The following CAPN5 variants were observed in gnomAD, a reference collection of about 807,000 sequenced individuals.
The protein encoded by CAPN5 is calpain 5, also known as calpain-5.
Under a neutral mutation model 73.0 loss-of-function variants are expected in CAPN5, and 54 were observed. The ratio of observed to expected loss-of-function variants is 0.74; its 90% CI spans 0.59 to 0.93. CAPN5 has a LOEUF of 0.93. Ranked by LOEUF, CAPN5 falls within the 40% of genes least tolerant of loss-of-function variation. The pLI is 0.00. For missense variants in CAPN5, 785 were observed against 882.9 expected, an observed-to-expected ratio of 0.89 and a Z score of 1.41; for synonymous variants, 335 against 356.9, an observed-to-expected ratio of 0.94 and a Z score of 0.69.
At position 77,120,798 on chromosome 11, in the gene CAPN5, T is replaced by C; in HGVS notation, c.1376T>C (p.Leu459Pro). The C allele has an allele frequency of 6.2e-7, 1 of 1,614,126 alleles. No individual in the cohort carries two copies. The highest frequency in any genetic ancestry group is 8.5e-7 in the Non-Finnish European group (1 of 1,180,008). ...SIYINSRSVF[L>P]RTDQPEGRYV... ...TACATCAACTCACGCAGCGTCTTCC[T>C]GCGCACCGACCAGCCCGAGGGCCGC... The change falls in exon 10 of 13, where the codon CTG becomes CCG. Residue 459 changes from leucine (L) to proline (P), a missense_variant. Transcript: ENST00000648180.
intron 5 of CAPN5, 48 bp downstream of exon 5, chr11:77,114,482 C>A: frequency 6.5e-7 from 1 of 1,536,594 alleles, no homozygotes; most frequent in Non-Finnish European, 9.0e-7. Context: ...TTCACCCTCG[C>A]TGACTGAGAT....
intron 3 of CAPN5, among the ~76,000 whole-genome samples, chr11:77,098,398 G>A (rs1403944694): frequency 1.8e-4 from 20 of 108,918 alleles, no homozygotes; most frequent in African/African-American, 6.7e-4. Flanking sequence ...CCTCCCTCCC[G>A]GACCGGGCGG....
At chr11:77,101,025 C>A (rs7121392) in intron 3 of CAPN5, among the ~76,000 whole-genome samples, 29,023 of 152,220 alleles carry the variant, frequency 0.19, 2,933 homozygotes, top group South Asian at 0.32. Flanking sequence ...TGGCCAGTAC[C>A]TGTGTACTGT....
At chr11:77,117,685 G>A (rs555379650) in intron 7 of CAPN5, among the ~76,000 whole-genome samples, 2 of 152,290 alleles carry the variant, frequency 1.3e-5, no homozygotes, top group South Asian at 2.1e-4. Flanking sequence ...GCAACACCCT[G>A]GCCACCGCAG....
intron 2 of CAPN5, among the ~76,000 whole-genome samples, chr11:77,086,602 C>T (rs1950088322): frequency 6.6e-6 from 1 of 152,232 alleles, no homozygotes; most frequent in African/African-American, 2.4e-5. Flanking sequence ...CCACGCCTTC[C>T]TCTCTTCCTT....
intron 2 of CAPN5, among the ~76,000 whole-genome samples, chr11:77,091,647 G>A (rs1235360361): frequency 1.3e-5 from 2 of 152,200 alleles, no homozygotes; most frequent in Non-Finnish European, 2.9e-5. Context: ...CCTCAGCTCA[G>A]TGAGGCGATG....
At chr11:77,105,842 A>G (rs1950340804) in intron 3 of CAPN5, among the ~76,000 whole-genome samples, 1 of 151,842 alleles carries the variant, frequency 6.6e-6, no homozygotes, top group African/African-American at 2.4e-5. Flanking sequence ...CCTCATCACC[A>G]CTCTGAAGCG....
intron 3 of CAPN5, chr11:77,103,058 C>T (rs782094319): frequency 6.2e-7 from 1 of 1,613,752 alleles, no homozygotes; most frequent in Non-Finnish European, 8.5e-7. Flanking sequence ...TCGTGCTGGA[C>T]AAGCCGGGCA....
chr11:77,108,567 G>C (rs1214832866), intron 3 of CAPN5, among the ~76,000 whole-genome samples: 1 of 152,108 alleles, frequency 6.6e-6, no homozygotes, highest in Non-Finnish European at 1.5e-5. Flanking sequence ...TGTAGACAGC[G>C]AGAGGGTAGC....
chr11:77,114,571 T>C (rs1950447790), intron 5 of CAPN5, 137 bp downstream of exon 5: 2 of 809,160 alleles, frequency 2.5e-6, no homozygotes, highest in South Asian at 3.1e-5. Flanking sequence ...AGGGGAGAAG[T>C]TGGAAGGTGC....
chr11:77,083,127 G>A (rs1165423557), intron 1 of CAPN5, among the ~76,000 whole-genome samples: 1 of 152,236 alleles, frequency 6.6e-6, no homozygotes, highest in Non-Finnish European at 1.5e-5. Flanking sequence ...GGCAGCCAGA[G>A]AAGTTAAGTG....
At chr11:77,093,590 GTCTGTCACGTC>G (rs1363404074) in intron 2 of CAPN5, 81 bp from the exon 3 acceptor site, 64 of 762,988 alleles carry the variant, frequency 8.4e-5, no homozygotes, top group South Asian at 4.9e-4. Context: ...GCAAGTCTGT[GTCTGTCACGTC>G]TGTGTCTGTC....
In CAPN5 at chr11:77,122,621, G is replaced by T. The variant is rs782717683; in HGVS notation, c.1649G>T (p.Arg550Leu). Reference protein sequence around the residue: ...VIIKCEGDKVRSAVQKGTSTP... With the variant: ...VIIKCEGDKVLSAVQKGTSTP... ...ATCAAGTGTGAGGGAGACAAAGTCC[G>T]CTCGGCTGTGCAGAAGGGCACCTCC... The change falls in exon 12 of 13, where the codon CGC becomes CTC. Residue 550 changes from arginine to leucine, a missense_variant. Arg to Leu is a moderately radical substitution (Grantham distance 102, BLOSUM62 -2). Coordinates refer to ENST00000648180, the MANE Select transcript of CAPN5 (RefSeq NM_004055.5). 1.7e-5 allele frequency: 27 copies of T among 1,601,698 alleles called. No homozygotes were observed. The highest frequency in any genetic ancestry group is 2.7e-5 in the African/African-American group (2 of 74,146).
intron 3 of CAPN5, among the ~76,000 whole-genome samples, chr11:77,105,322 A>C (rs1329666717): frequency 6.6e-6 from 1 of 151,806 alleles, no homozygotes; most frequent in Non-Finnish European, 1.5e-5. Flanking sequence ...CCACCTTCCA[A>C]GGAGGAGGCC....
chr11:77,119,151 A>C lies in CAPN5; in HGVS notation c.1289A>C (p.Lys430Thr). ...ENLAIGFDIY[K>T]VEENRQYRMH... is the part of the protein sequence containing the mutation. ...CTGGCCATTGGCTTTGACATCTACAAGGTGAGGCCAGCCGGGTCCCCTGCC... is the reference window on the plus strand; with the variant it reads ...CTGGCCATTGGCTTTGACATCTACACGGTGAGGCCAGCCGGGTCCCCTGCC... The change falls in exon 9 of 13, where the codon AAG becomes ACG. Residue 430 changes from lysine (K) to threonine (T), a missense_variant and splice_region_variant. Physicochemically the swap from Lys to Thr is moderately conservative, Grantham distance 78 (BLOSUM62 -1). Coordinates refer to ENST00000648180, the MANE Select transcript of CAPN5 (RefSeq NM_004055.5). The C allele has an allele frequency of 6.2e-7, 1 of 1,608,656 alleles. No homozygotes were observed. The highest frequency in any genetic ancestry group is 8.5e-7 in the Non-Finnish European group (1 of 1,177,674).
chr11:77,074,148 G>A (rs948976), intron 1 of CAPN5, among the ~76,000 whole-genome samples: 111,670 of 152,132 alleles, frequency 0.73, 41,268 homozygotes, highest in African/African-American at 0.82. Flanking sequence ...ACAAATAACC[G>A]GGCAGCCACC....
intron 3 of CAPN5, among the ~76,000 whole-genome samples, chr11:77,103,669 G>GAA (rs2135458707): frequency 6.6e-6 from 1 of 152,320 alleles, no homozygotes; most frequent in South Asian, 2.1e-4. Context: ...GAGAGACTGA[G>GAA]AAAGACCAAG....
chr11:77,071,576 G>A, intron 1 of CAPN5: 2 of 446,026 alleles, frequency 4.5e-6, no homozygotes, highest in South Asian at 1.6e-5. Context: ...GAACAGGCTG[G>A]GCCAGTAGAG....
chr11:77,102,091 C>T (rs781789016), intron 3 of CAPN5, among the ~76,000 whole-genome samples: 7 of 152,146 alleles, frequency 4.6e-5, no homozygotes, highest in Non-Finnish European at 5.9e-5. Flanking sequence ...CCCACAGAGC[C>T]CTGATAAACC....
Sources: gnomAD v4.1 joint callset for allele counts (sites outside exome capture counted in the v4.1 genomes callset) on GRCh38, gnomAD v4.1.1 for gene constraint, MANE v1.5 for transcripts, NCBI Gene and HGNC (gene_info 2026-07-23, HGNC 2026-07-21) for gene names.